Variants in RAB3IP observed in about 807,000 individuals in gnomAD.
RAB3IP encodes RAB3A interacting protein.
Under a neutral mutation model 59.1 loss-of-function variants are expected in RAB3IP, and 36 were observed. The ratio of observed to expected loss-of-function variants is 0.61; its 90% confidence interval spans 0.47 to 0.80. RAB3IP has a LOEUF of 0.80. RAB3IP is among the 30% of genes least tolerant of loss of function. RAB3IP has a pLI of 0.00. For synonymous variants in RAB3IP, 207 were observed against 191.2 expected (o/e 1.08, Z -0.68); for missense variants, 511 against 536.0 (o/e 0.95, Z 0.46).
chr12:69,794,989 A>G (rs1341647467), intron 5 of RAB3IP, 152 bp from the exon 6 acceptor site: 1 of 641,886 alleles, frequency 1.6e-6, no homozygotes, highest in Non-Finnish European at 2.6e-6. Context: ...ACATCAAAAA[A>G]CTTGATTTTA....
intron 2 of RAB3IP, 104 bp downstream of exon 2, chr12:69,755,763 A>G: frequency 1.1e-6 from 1 of 918,846 alleles, no homozygotes; most frequent in South Asian, 1.8e-5. Flanking sequence ...GAATAACTTA[A>G]GTGTGCCTAG....
chr12:69,790,243 T>C (rs554490190), intron 4 of RAB3IP, among the ~76,000 whole-genome samples: 5 of 152,268 alleles, frequency 3.3e-5, no homozygotes, highest in African/African-American at 1.2e-4. Context: ...ATTAATGATG[T>C]TTTTATACAT....
At chr12:69,755,923 T>C (rs1246788258) in intron 2 of RAB3IP, among the ~76,000 whole-genome samples, 1 of 152,258 alleles carries the variant, frequency 6.6e-6, no homozygotes, top group Non-Finnish European at 1.5e-5. Context: ...AAAGCAGCCA[T>C]AGACAGTATG....
In RAB3IP at chr12:69,821,274, A is replaced by G. The variant is rs1881710626; in HGVS notation, c.*5828A>G. 1 of 152,254 alleles carries G rather than the reference A, an allele frequency of 6.6e-6. No individual in the cohort carries two copies. The highest frequency in any genetic ancestry group is 2.1e-4 in the South Asian group (1 of 4,828). 9.4% of individuals were successfully genotyped at this position (152,254 alleles called of 1,614,324 possible). On this transcript the variant is annotated 3_prime_UTR_variant, in exon 11 of 11. Coordinates refer to ENST00000247833, the MANE Select transcript of RAB3IP (RefSeq NM_022456.5). ...ACCCAAATCACAACTAGATTAGATT[A>G]CTATTCAAGAGAATGATTCTCTACC... is the stretch of plus-strand genomic sequence containing the variant.
intron 6 of RAB3IP, among the ~76,000 whole-genome samples, chr12:69,797,968 A>G (rs954403743): frequency 2.0e-5 from 3 of 152,108 alleles, no homozygotes; most frequent in Non-Finnish European, 2.9e-5. Context: ...ATTGTGAATA[A>G]TGCCGCAATA....
At position 69,756,494 on chromosome 12, in the gene RAB3IP, CAG is replaced by C. The variant is rs1475198248; in HGVS notation, c.350_351del (p.Glu117ValfsTer15). ...ACTACAAGAAAGGACAACTATAATG[CAG>C]AGAGAGAGTTTTTACAGGGTGCTAC... On this transcript the variant is annotated frameshift_variant, in exon 3 of 11. Transcript: ENST00000247833. LOFTEE classifies it high-confidence loss of function. 2 of 1,613,930 alleles carry C rather than the reference CAG, an allele frequency of 1.2e-6. No individual in the cohort carries two copies. Among genetic ancestry groups the C allele is most frequent in the Non-Finnish European group, 1.7e-6 (2 of 1,179,990 alleles).
At chr12:69,768,658 T>C (rs1872619551) in intron 3 of RAB3IP, among the ~76,000 whole-genome samples, 1 of 152,200 alleles carries the variant, frequency 6.6e-6, no homozygotes, top group Non-Finnish European at 1.5e-5. Flanking sequence ...GTTGCCAAAC[T>C]GGCCCTGGCT....
At chr12:69,794,603 C>T (rs112028989) in intron 5 of RAB3IP, 89 bp downstream of exon 5, 19 of 976,446 alleles carry the variant, frequency 1.9e-5, no homozygotes, top group African/African-American at 1.3e-4. Flanking sequence ...TTGTTCTGAT[C>T]GTAAAGTAGT....
At chr12:69,763,485 C>T (rs1393190101) in intron 3 of RAB3IP, among the ~76,000 whole-genome samples, 2 of 152,194 alleles carry the variant, frequency 1.3e-5, no homozygotes, top group South Asian at 2.1e-4. Context: ...ACCACTTCCA[C>T]CTCTTGGTAG....
chr12:69,772,919 A>T (rs1292482404), intron 3 of RAB3IP, among the ~76,000 whole-genome samples: 2 of 151,924 alleles, frequency 1.3e-5, no homozygotes, highest in African/African-American at 2.4e-5. Flanking sequence ...TCTTTGTTAC[A>T]TGTTAGCATT....
intron 1 of RAB3IP, chr12:69,739,863 T>C (rs746028308): frequency 1.2e-6 from 2 of 1,613,826 alleles, no homozygotes; most frequent in East Asian, 2.2e-5. Flanking sequence ...TTAAAAAAGA[T>C]GAAAGGGTAA....
At chr12:69,759,783 G>C (rs557391885) in intron 3 of RAB3IP, among the ~76,000 whole-genome samples, 12 of 151,542 alleles carry the variant, frequency 7.9e-5, no homozygotes, top group Non-Finnish European at 1.3e-4. Flanking sequence ...GCGGCTGGCC[G>C]GGCGGGGGCT....
intron 8 of RAB3IP, among the ~76,000 whole-genome samples, chr12:69,803,347 C>T (rs1280470390): frequency 6.6e-6 from 1 of 151,928 alleles, no homozygotes; most frequent in African/African-American, 2.4e-5. Flanking sequence ...GTGGCTTTGG[C>T]CGTGGTTCTT....
intron 3 of RAB3IP, among the ~76,000 whole-genome samples, chr12:69,759,419 A>G (rs1043243913): frequency 3.3e-4 from 50 of 152,184 alleles, no homozygotes; most frequent in African/African-American, 1.2e-3. Context: ...TGATTTCTCT[A>G]TCTTTTCCCC....
At chr12:69,794,395 A>G (rs763184115) in intron 4 of RAB3IP, 42 bp from the exon 5 acceptor site, 13 of 1,526,564 alleles carry the variant, frequency 8.5e-6, no homozygotes, top group South Asian at 5.8e-5. Flanking sequence ...TTGAAAACAA[A>G]TGCTACTTTG....
At chr12:69,740,654 T>C (rs1887237957) in intron 1 of RAB3IP, among the ~76,000 whole-genome samples, 1 of 152,218 alleles carries the variant, frequency 6.6e-6, no homozygotes, top group Non-Finnish European at 1.5e-5. Context: ...ATAGATCCTA[T>C]TGTACTTTTT....
intron 8 of RAB3IP, among the ~76,000 whole-genome samples, chr12:69,805,306 T>G (rs931969952): frequency 2.6e-4 from 40 of 152,230 alleles, no homozygotes; most frequent in East Asian, 1.2e-3. Flanking sequence ...TTGTCTGTTA[T>G]TGGTGTATAA....
At chr12:69,767,744 A>G (rs1872463644) in intron 3 of RAB3IP, among the ~76,000 whole-genome samples, 1 of 152,032 alleles carries the variant, frequency 6.6e-6, no homozygotes, top group Non-Finnish European at 1.5e-5. Flanking sequence ...CCAAGCATAC[A>G]GGTGCTTTGA....
At chr12:69,814,902 C>T (rs1247126644) in intron 10 of RAB3IP, among the ~76,000 whole-genome samples, 2 of 152,196 alleles carry the variant, frequency 1.3e-5, no homozygotes, top group Admixed American at 6.5e-5. Context: ...TTACTTCTCA[C>T]AACGTTACTG....
Sources: gnomAD v4.1 joint callset for allele counts (sites outside exome capture counted in the v4.1 genomes callset) on GRCh38, gnomAD v4.1.1 for gene constraint, MANE v1.5 for transcripts, NCBI Gene and HGNC (gene_info 2026-07-23, HGNC 2026-07-21) for gene names.